The following DCUN1D4 variants were observed in gnomAD, a reference collection of about 807,000 sequenced individuals.
The protein encoded by DCUN1D4 is defective in cullin neddylation 1 domain containing 4, also known as DCN1-like protein 4.
A neutral mutation model predicts 47.9 loss-of-function variants in DCUN1D4; 22 were observed. The ratio of observed to expected loss-of-function variants is 0.46; its 90% CI spans 0.33 to 0.66. DCUN1D4 has a LOEUF of 0.66. DCUN1D4 is among the 30% of genes least tolerant of loss of function. DCUN1D4 has a pLI of 0.02. For synonymous variants in DCUN1D4, 121 were observed against 112.2 expected, an observed-to-expected ratio of 1.08 and a Z score of -0.50; for missense variants, 301 against 340.8, an observed-to-expected ratio of 0.88 and a Z score of 0.92.
rs1467846664 is a variant in DCUN1D4 at position 51,914,426 on chromosome 4, C to G, written c.*842C>G. Reference sequence around the variant, plus strand: ...ATCTGCTAATGCTTTCTTTGCCACTCTAAGTAAAATTTATTTCACCTCCTC... The same window carrying G: ...ATCTGCTAATGCTTTCTTTGCCACTGTAAGTAAAATTTATTTCACCTCCTC... On this transcript the variant is annotated 3_prime_UTR_variant, in exon 11 of 11. Coordinates refer to ENST00000334635, the MANE Select transcript of DCUN1D4 (RefSeq NM_001040402.3). 1.3e-5 allele frequency: 2 copies of G among 152,362 alleles called. No individual in the cohort carries two copies. Among genetic ancestry groups the G allele is most frequent in the Non-Finnish European group, 2.9e-5 (2 of 68,004 alleles). The allele number at this position is 152,362 out of a possible 1,614,324, so 9.4% of individuals were successfully genotyped here.
intron 8 of DCUN1D4, among the ~76,000 whole-genome samples, chr4:51,907,638 T>C (rs1223167209): frequency 5.9e-5 from 9 of 152,206 alleles, no homozygotes; most frequent in African/African-American, 1.9e-4. Flanking sequence ...ATCTTCTGGG[T>C]TTTAATTTTT....
chr4:51,866,877 G>A (rs556054928), intron 3 of DCUN1D4, among the ~76,000 whole-genome samples: 1 of 152,322 alleles, frequency 6.6e-6, no homozygotes, highest in East Asian at 1.9e-4. Context: ...AACTTCTGTG[G>A]CTGGTGGCAC....
At chr4:51,837,011 A>G in the DCUN1D4 span, among the ~76,000 whole-genome samples, 2 of 152,226 alleles carry the variant, frequency 1.3e-5, no homozygotes, top group African/African-American at 4.8e-5. Context: ...CTTTCTGTCC[A>G]GCCCCTGCTA....
intron 1 of DCUN1D4, among the ~76,000 whole-genome samples, chr4:51,859,964 A>T (rs985004557): frequency 2.0e-5 from 3 of 152,198 alleles, no homozygotes; most frequent in African/African-American, 7.2e-5. Context: ...TCGGTAAAGC[A>T]TTTGATCTTT....
chr4:51,892,787 G>A (rs796086956), intron 7 of DCUN1D4, among the ~76,000 whole-genome samples: 15 of 152,314 alleles, frequency 9.8e-5, no homozygotes, highest in African/African-American at 3.6e-4. Flanking sequence ...GTTTCAAATA[G>A]CATTGACGAT....
chr4:51,854,519 C>T (rs1560456084), intron 1 of DCUN1D4, among the ~76,000 whole-genome samples: 1 of 152,186 alleles, frequency 6.6e-6, no homozygotes, highest in African/African-American at 2.4e-5. Flanking sequence ...GAAGCATGCT[C>T]AAGTCCTGCC....
chr4:51,843,117 G>A, upstream of DCUN1D4: 4 of 1,466,730 alleles, frequency 2.7e-6, no homozygotes, highest in Admixed American at 2.3e-5. Flanking sequence ...GAGAAGGCGA[G>A]ATGGGCGGGC....
intron 8 of DCUN1D4, among the ~76,000 whole-genome samples, chr4:51,902,304 T>C (rs1273931199): frequency 6.6e-6 from 1 of 152,230 alleles, no homozygotes; most frequent in Non-Finnish European, 1.5e-5. Flanking sequence ...ATAGTGTCTT[T>C]CAGGTCTTCT....
intron 3 of DCUN1D4, among the ~76,000 whole-genome samples, chr4:51,866,975 A>T (rs1240950881): frequency 1.3e-5 from 2 of 152,192 alleles, no homozygotes; most frequent in Admixed American, 6.5e-5. Context: ...ACTGGCCTGG[A>T]TCCCACACCT....
At chr4:51,872,655 G>A (rs529877665) in intron 3 of DCUN1D4, among the ~76,000 whole-genome samples, 1 of 152,292 alleles carries the variant, frequency 6.6e-6, no homozygotes, top group Non-Finnish European at 1.5e-5. Flanking sequence ...CTCTGTTTCT[G>A]TTTCTGCTTT....
At chr4:51,844,159 T>A (rs1287642120) in intron 1 of DCUN1D4, among the ~76,000 whole-genome samples, 2 of 29,106 alleles carry the variant, frequency 6.9e-5, no homozygotes, top group Admixed American at 4.1e-4. Context: ...GAAGGGGAGG[T>A]GGGGCGGAGT....
intron 4 of DCUN1D4, among the ~76,000 whole-genome samples, 157 bp downstream of exon 4, chr4:51,874,542 T>C (rs1727391221): frequency 6.6e-6 from 1 of 152,254 alleles, no homozygotes; most frequent in Non-Finnish European, 1.5e-5. Flanking sequence ...TCATGTTTAT[T>C]TTGTGTTTTA....
intron 3 of DCUN1D4, among the ~76,000 whole-genome samples, chr4:51,866,437 A>C (rs1164999614): frequency 6.6e-6 from 1 of 151,962 alleles, no homozygotes; most frequent in Non-Finnish European, 1.5e-5. Context: ...ACAAGTGTAC[A>C]TTTATATTTG....
In DCUN1D4 at chr4:51,874,297, G is replaced by A; in HGVS notation, c.163G>A (p.Asp55Asn). ...AAGTCTGCGGTCTTGCAGTTCTTCA[G>A]ACTGCTTTAATAAAGTGATGCCACC... is the stretch of plus-strand genomic sequence containing the variant. ...TGSLRSCSSS[D>N]CFNKVMPPRK... Residue 55 changes from aspartate to asparagine, a missense_variant, in exon 4 of 11, where the codon GAC becomes AAC. Asp to Asn is a conservative substitution (Grantham distance 23). This residue lies in a region of DCUN1D4 where 131 missense variants were observed against 106.3 expected (regional missense o/e 1.23). Transcript: ENST00000334635. The A allele has an allele frequency of 1.9e-6, 3 of 1,612,832 alleles. No individual in the cohort carries two copies. Among genetic ancestry groups the A allele is most frequent in the Non-Finnish European group, 2.5e-6 (3 of 1,179,624 alleles).
intron 7 of DCUN1D4, among the ~76,000 whole-genome samples, chr4:51,893,495 A>T (rs965139132): frequency 1.3e-5 from 2 of 151,514 alleles, no homozygotes; most frequent in East Asian, 3.9e-4. Flanking sequence ...GCGTGCTCTC[A>T]GTTCACAGCA....
chr4:51,894,683 C>CT (rs1246168308), intron 7 of DCUN1D4, among the ~76,000 whole-genome samples: 1 of 152,110 alleles, frequency 6.6e-6, no homozygotes, highest in Non-Finnish European at 1.5e-5. Flanking sequence ...AGTAGTCGAT[C>CT]TTTAAACTAT....
At chr4:51,866,118 G>A (rs1416542236) in intron 3 of DCUN1D4, among the ~76,000 whole-genome samples, 2 of 152,148 alleles carry the variant, frequency 1.3e-5, no homozygotes. Context: ...GAGTGTTCTA[G>A]GAGTTCAGGG....
chr4:51,883,021 A>C (rs1333298009), intron 5 of DCUN1D4, among the ~76,000 whole-genome samples: 1 of 152,238 alleles, frequency 6.6e-6, no homozygotes, highest in Non-Finnish European at 1.5e-5. Context: ...TCACAGCCTA[A>C]ATACTTTAGT....
At chr4:51,834,099 C>CTTTTTTTT in the DCUN1D4 span, among the ~76,000 whole-genome samples, 1 of 40,830 alleles carries the variant, frequency 2.4e-5, no homozygotes, top group East Asian at 1.4e-3. Flanking sequence ...TTCTTTTCTT[C>CTTTTTTTT]TTTCTTTTTT....
Sources: gnomAD v4.1 joint callset for allele counts (sites outside exome capture counted in the v4.1 genomes callset) on GRCh38, gnomAD v4.1.1 for gene constraint, gnomAD v4.1.1 regional missense constraint, MANE v1.5 for transcripts, NCBI Gene and HGNC (gene_info 2026-07-23, HGNC 2026-07-21) for gene names.